PLCL1: variants seen among roughly 807,000 people sequenced by gnomAD.
The protein encoded by PLCL1 is inactive phospholipase C-like protein 1.
In PLCL1, 41 loss-of-function variants were observed where a neutral mutation model predicts 84.4. The ratio of observed to expected loss-of-function variants is 0.49; its 90% CI spans 0.38 to 0.63. The LOEUF (loss-of-function observed/expected upper bound fraction) is 0.63, where lower values mean the gene tolerates loss of function less well. Ranked by LOEUF, PLCL1 falls within the 30% of genes least tolerant of loss-of-function variation. The probability of loss-of-function intolerance (pLI) is 0.00; values close to 1 mark genes in which losing one functional copy is unlikely to be tolerated. For missense variants in PLCL1, 1,206 were observed against 1,367.8 expected, an observed-to-expected ratio of 0.88 and a Z score of 1.87; for synonymous variants, 490 against 488.3, an observed-to-expected ratio of 1.00 and a Z score of -0.05.
chr2:197,845,272 T>G (rs1238249663), intron 1 of PLCL1, among the ~76,000 whole-genome samples: 1 of 152,050 alleles, frequency 6.6e-6, no homozygotes, highest in Non-Finnish European at 1.5e-5. Flanking sequence ...GCTACTAAAA[T>G]AAATATTTTA....
chr2:197,847,196 C>CG (rs796282559), intron 1 of PLCL1, among the ~76,000 whole-genome samples: 21 of 152,008 alleles, frequency 1.4e-4, no homozygotes, highest in South Asian at 2.1e-4. Flanking sequence ...TTCCTCATCC[C>CG]GGGGGGGTAA....
intron 1 of PLCL1, among the ~76,000 whole-genome samples, chr2:197,835,743 A>C (rs1402941720): frequency 6.6e-6 from 1 of 152,254 alleles, no homozygotes; most frequent in African/African-American, 2.4e-5. Flanking sequence ...ACGTATGTAA[A>C]TCATCAGGCT....
intron 1 of PLCL1, among the ~76,000 whole-genome samples, chr2:197,907,006 C>T (rs1233670692): frequency 6.6e-6 from 1 of 152,052 alleles, no homozygotes; most frequent in Non-Finnish European, 1.5e-5. Flanking sequence ...ATGTTATCTG[C>T]AAACAGAGAC....
chr2:198,082,548 C>A (rs545513589), intron 1 of PLCL1, among the ~76,000 whole-genome samples: 1 of 152,222 alleles, frequency 6.6e-6, no homozygotes, highest in East Asian at 1.9e-4. Flanking sequence ...ACATGCATTA[C>A]GACTCTTTTG....
At chr2:197,807,194 G>A (rs1019152329) in intron 1 of PLCL1, among the ~76,000 whole-genome samples, 1 of 152,128 alleles carries the variant, frequency 6.6e-6, no homozygotes, top group African/African-American at 2.4e-5. Context: ...GAGTGTGAAG[G>A]AAAGACCCTC....
intron 1 of PLCL1, among the ~76,000 whole-genome samples, chr2:197,808,418 T>G (rs922622689): frequency 6.6e-6 from 1 of 152,222 alleles, no homozygotes; most frequent in African/African-American, 2.4e-5. Flanking sequence ...ATCAAACTTA[T>G]AGCATTTAAA....
At chr2:198,124,321 G>A (rs1693939068) in intron 5 of PLCL1, among the ~76,000 whole-genome samples, 1 of 152,006 alleles carries the variant, frequency 6.6e-6, no homozygotes, top group Non-Finnish European at 1.5e-5. Context: ...ATAATATAAT[G>A]TAATTAAAAT....
chr2:198,002,350 C>A (rs2105821623), intron 1 of PLCL1, among the ~76,000 whole-genome samples: 1 of 152,070 alleles, frequency 6.6e-6, no homozygotes, highest in South Asian at 2.1e-4. Context: ...ATCTTGAAAT[C>A]AAATTTCTGG....
chr2:197,878,680 A>G (rs970840930), intron 1 of PLCL1, among the ~76,000 whole-genome samples: 2 of 152,136 alleles, frequency 1.3e-5, no homozygotes, highest in African/African-American at 2.4e-5. Flanking sequence ...TGAACAAAGT[A>G]TAATAGAAAA....
chr2:198,022,787 T>C (rs1463330323), intron 1 of PLCL1, among the ~76,000 whole-genome samples: 1 of 152,176 alleles, frequency 6.6e-6, no homozygotes, highest in East Asian at 1.9e-4. Flanking sequence ...TGTTCATGGA[T>C]AGGAAGAATC....
At chr2:197,906,602 G>C (rs965679066) in intron 1 of PLCL1, among the ~76,000 whole-genome samples, 2 of 152,164 alleles carry the variant, frequency 1.3e-5, no homozygotes, top group Non-Finnish European at 2.9e-5. Context: ...TGTGAAGAAA[G>C]TCAATGGTAT....
chr2:197,869,855 A>G (rs1159046295), intron 1 of PLCL1, among the ~76,000 whole-genome samples: 1 of 152,204 alleles, frequency 6.6e-6, no homozygotes, highest in Non-Finnish European at 1.5e-5. Flanking sequence ...TTTCATGGCA[A>G]GACTTCTTAC....
chr2:198,004,859 T>C (rs1690690898), intron 1 of PLCL1, among the ~76,000 whole-genome samples: 1 of 152,236 alleles, frequency 6.6e-6, no homozygotes, highest in African/African-American at 2.4e-5. Context: ...AGACTTGCCA[T>C]GTCAGACTAT....
At chr2:198,094,051 AT>A (rs1009396893) in intron 3 of PLCL1, among the ~76,000 whole-genome samples, 19 of 151,824 alleles carry the variant, frequency 1.3e-4, no homozygotes, top group African/African-American at 4.3e-4. Flanking sequence ...CTTAAAAGTC[AT>A]TTTTTTTCTC....
At chr2:197,961,858 A>C (rs1164818891) in intron 1 of PLCL1, among the ~76,000 whole-genome samples, 4 of 152,080 alleles carry the variant, frequency 2.6e-5, no homozygotes, top group Non-Finnish European at 1.5e-5. Context: ...GAGGTAAAGA[A>C]TGGAAAGTAA....
chr2:198,140,119 A>G (rs1694350343), intron 5 of PLCL1, among the ~76,000 whole-genome samples: 1 of 152,036 alleles, frequency 6.6e-6, no homozygotes, highest in Non-Finnish European at 1.5e-5. Context: ...CTTTTAGTAG[A>G]GACGGAGTTT....
At position 197,927,995 on chromosome 2, in the gene PLCL1, T is replaced by G. The variant is rs144722370; in HGVS notation, c.240+122656T>G. Among the ~76,000 whole-genome samples the G allele has an allele frequency of 9.5e-4, 144 of 151,856 alleles. 1 individual carries two copies. The highest frequency in any genetic ancestry group is 3.3e-3 in the African/African-American group (135 of 41,512). The stretch of plus-strand genomic sequence containing the variant: ...AATGCACAAACTCTTAAGGTTAAAT[T>G]TAGAACCAAGGGTCATTTTTAAATG... On this transcript the variant is annotated intron_variant, in intron 1 of 5. Coordinates refer to ENST00000428675, the MANE Select transcript of PLCL1 (RefSeq NM_006226.4).
chr2:197,947,706 A>G (rs988308145), intron 1 of PLCL1, among the ~76,000 whole-genome samples: 1 of 152,202 alleles, frequency 6.6e-6, no homozygotes, highest in African/African-American at 2.4e-5. Flanking sequence ...AAGATCTGCC[A>G]TGCAGAGTGA....
At chr2:197,902,257 C>T (rs1688282624) in intron 1 of PLCL1, among the ~76,000 whole-genome samples, 1 of 152,098 alleles carries the variant, frequency 6.6e-6, no homozygotes, top group Admixed American at 6.5e-5. Context: ...TCTTGTGAAT[C>T]TATAGACCCT....
Sources: gnomAD v4.1 joint callset for allele counts (sites outside exome capture counted in the v4.1 genomes callset) on GRCh38, gnomAD v4.1.1 for gene constraint, MANE v1.5 for transcripts, NCBI Gene and HGNC (gene_info 2026-07-23, HGNC 2026-07-21) for gene names.